Variants in ATXN10 observed in about 807,000 individuals in gnomAD.
ATXN10 encodes ataxin 10.
In ATXN10, 28 loss-of-function variants were observed where a neutral mutation model predicts 52.9. That is an observed-to-expected ratio of 0.53 (90% CI 0.39 to 0.73). The LOEUF (loss-of-function observed/expected upper bound fraction) is 0.73. Among genes scored for constraint, ATXN10 ranks in the 30% least tolerant of loss-of-function variants. The pLI, the probability that ATXN10 is intolerant of heterozygous loss-of-function variation, is 0.00. For missense variants in ATXN10, 565 were observed against 577.0 expected (o/e 0.98, Z 0.21); for synonymous variants, 226 against 221.5 (o/e 1.02, Z -0.18).
rs1924542008 is a variant in ATXN10, at chr22:45,718,732, A to G, written c.728+239A>G. On this transcript the variant is annotated intron_variant, in intron 6 of 11. Transcript: ENST00000252934. This position sits in a 1 kb window ranked among gnomAD's most constrained non-coding sequence, Gnocchi z 4.4. Reference sequence around the variant, plus strand: ...ATTATTCAGTAAATGCATATTAAGAAAAACATTAAGAACAAAATATTATGC... The same window carrying G: ...ATTATTCAGTAAATGCATATTAAGAGAAACATTAAGAACAAAATATTATGC... Among the ~76,000 whole-genome samples the G allele has an allele frequency of 6.6e-6, 1 of 152,186 alleles. No individual in the cohort carries two copies. Among genetic ancestry groups the G allele is most frequent in the African/African-American group, 2.4e-5 (1 of 41,432 alleles).
At chr22:45,740,910 A>T (rs1925508303) in intron 9 of ATXN10, 1 of 155,112 alleles carries the variant, frequency 6.4e-6, no homozygotes, top group African/African-American at 2.4e-5. Flanking sequence ...CGATAGCATC[A>T]TAAGCCTTTT....
intron 5 of ATXN10, among the ~76,000 whole-genome samples, chr22:45,717,696 CTA>C (rs1924498200): frequency 1.3e-5 from 2 of 150,972 alleles, no homozygotes; most frequent in Non-Finnish European, 2.9e-5. Flanking sequence ...AGTGATTAAA[CTA>C]TGTGTCAATA....
rs190775803 is a variant in ATXN10, at chr22:45,701,159, A to G, written c.488+781A>G. Among the ~76,000 whole-genome samples the G allele has an allele frequency of 1.9e-4, 29 of 152,344 alleles. No individual in the cohort carries two copies. The East Asian group carries it at 5.6e-3, about 29-fold the overall frequency. On this transcript the variant is annotated intron_variant, in intron 4 of 11. Coordinates refer to ENST00000252934, the MANE Select transcript of ATXN10 (RefSeq NM_013236.4). The surrounding 1 kb of genome is among the most constrained non-coding windows in gnomAD (Gnocchi z 4.2). ...GTTGCAACAGTATAAGCAGCACAGC[A>G]GGGTAGCAGCTGTTGTGTACATACC... is the stretch of plus-strand genomic sequence containing the variant.
intron 9 of ATXN10, among the ~76,000 whole-genome samples, chr22:45,748,937 G>C (rs1925840917): frequency 6.6e-6 from 1 of 152,008 alleles, no homozygotes; most frequent in South Asian, 2.1e-4. Context: ...AAAGACTAAA[G>C]GATGGTCTAC....
In ATXN10 at chr22:45,712,109, T is replaced by C. The variant is rs1474672426; in HGVS notation, c.648-6304T>C. On this transcript the variant is annotated intron_variant, in intron 5 of 11. Transcript: ENST00000252934. This position sits in a 1 kb window ranked among gnomAD's most constrained non-coding sequence, Gnocchi z 4.6. The stretch of plus-strand genomic sequence containing the variant: ...GATGTTTTTGAGGCATGCAAGTGGC[T>C]CTTTTTGGGTCACATTGTCATCCCT... 1.3e-5 allele frequency among the ~76,000 whole-genome samples: 2 copies of C among 152,200 alleles called. No individual in the cohort carries two copies. Among genetic ancestry groups the C allele is most frequent in the Non-Finnish European group, 2.9e-5 (2 of 68,036 alleles).
At chr22:45,765,537 C>T (rs908983751) in intron 9 of ATXN10, among the ~76,000 whole-genome samples, 2 of 152,172 alleles carry the variant, frequency 1.3e-5, no homozygotes, top group Non-Finnish European at 2.9e-5. Context: ...GGTGGATTTG[C>T]TCCCCTCCTC....
At position 45,790,419 on chromosome 22, in the gene ATXN10, A is replaced by G. The variant is rs1448309183; in HGVS notation, c.1174-16540A>G. ...ATACACCAGAGTTAGAAAACAAGCC[A>G]ATTCCTGGTCTTCTAATAGTTACCC... On this transcript the variant is annotated intron_variant, in intron 9 of 11. Transcript: ENST00000252934. The surrounding 1 kb of genome is among the most constrained non-coding windows in gnomAD (Gnocchi z 4.7). 6.6e-6 allele frequency among the ~76,000 whole-genome samples: 1 copy of G among 152,208 alleles called. No individual in the cohort carries two copies. The highest frequency in any genetic ancestry group is 1.5e-5 in the Non-Finnish European group (1 of 68,044).
intron 10 of ATXN10, among the ~76,000 whole-genome samples, chr22:45,830,263 G>A (rs2146908896): frequency 6.6e-6 from 1 of 152,316 alleles, no homozygotes; most frequent in East Asian, 1.9e-4. Context: ...ATACAGAGCA[G>A]AAGCTTCACA....
In ATXN10 at chr22:45,826,437, A is replaced by G. The variant is rs755490078; in HGVS notation, c.1238-16554A>G. The stretch of plus-strand genomic sequence containing the variant: ...TTGATGGAAGTCACGAATATATACA[A>G]CCAGGAAACTCGGTGAGCTCCAAGT... On this transcript the variant is annotated intron_variant, in intron 10 of 11. Transcript: ENST00000252934. The surrounding 1 kb of genome is among the most constrained non-coding windows in gnomAD (Gnocchi z 5.0). Among the ~76,000 whole-genome samples, 3 of 152,212 alleles carry G rather than the reference A, an allele frequency of 2.0e-5. No individual in the cohort carries two copies. The highest frequency in any genetic ancestry group is 2.9e-5 in the Non-Finnish European group (2 of 68,036).
At position 45,772,261 on chromosome 22, in the gene ATXN10, G is replaced by A. The variant is rs1248739918; in HGVS notation, c.1173+31723G>A. On this transcript the variant is annotated intron_variant, in intron 9 of 11. Transcript: ENST00000252934. This position sits in a 1 kb window ranked among gnomAD's most constrained non-coding sequence, Gnocchi z 4.1. ...AGTTAGTCTCTCTATAAGGTGTGAG[G>A]GTTAGGTCAAGGTTCATTGTTTTGC... Among the ~76,000 whole-genome samples, 1 of 152,066 alleles carries A rather than the reference G, an allele frequency of 6.6e-6. No homozygotes were observed. The highest frequency in any genetic ancestry group is 1.9e-4 in the East Asian group (1 of 5,200).
chr22:45,827,806 TACA>T (rs1569080549), intron 10 of ATXN10, among the ~76,000 whole-genome samples: 1 of 152,194 alleles, frequency 6.6e-6, no homozygotes, highest in Non-Finnish European at 1.5e-5. Context: ...CACTCTATCC[TACA>T]ACAAGAGCAT....
chr22:45,717,699 T>C (rs1173701875), intron 5 of ATXN10, among the ~76,000 whole-genome samples: 3 of 152,214 alleles, frequency 2.0e-5, no homozygotes, highest in African/African-American at 7.2e-5. Flanking sequence ...GATTAAACTA[T>C]GTGTCAATAT....
At chr22:45,810,590 C>CA (rs1928248883) in intron 10 of ATXN10, among the ~76,000 whole-genome samples, 1 of 152,218 alleles carries the variant, frequency 6.6e-6, no homozygotes, top group African/African-American at 2.4e-5. Context: ...TGAGAATTGA[C>CA]ATACAGTACT....
At chr22:45,838,599 C>G (rs1371267452) in intron 10 of ATXN10, among the ~76,000 whole-genome samples, 2 of 152,194 alleles carry the variant, frequency 1.3e-5, no homozygotes, top group Non-Finnish European at 2.9e-5. Flanking sequence ...CTTTCTTTCT[C>G]TCTGTCCCTT....
intron 5 of ATXN10, among the ~76,000 whole-genome samples, chr22:45,717,578 A>T (rs1276941850): frequency 6.6e-6 from 1 of 152,182 alleles, no homozygotes; most frequent in African/African-American, 2.4e-5. Flanking sequence ...GAAATAGAAT[A>T]TGTATTTGGA....
At chr22:45,788,137 G>T (rs1486271649) in intron 9 of ATXN10, among the ~76,000 whole-genome samples, 1 of 152,146 alleles carries the variant, frequency 6.6e-6, no homozygotes, top group South Asian at 2.1e-4. Flanking sequence ...GATGACAGCA[G>T]AATGCCTGTT....
rs1218615314 is a variant in ATXN10 at position 45,837,264 on chromosome 22, A to G, written c.1238-5727A>G. On this transcript the variant is annotated intron_variant, in intron 10 of 11. Transcript: ENST00000252934. This position sits in a 1 kb window ranked among gnomAD's most constrained non-coding sequence, Gnocchi z 5.8. ...AGTACTTTTTAAGGTTGGTTTGTTTATTTACTTATTTTTGAGACAGAGTCT... is the reference window on the plus strand; with the variant it reads ...AGTACTTTTTAAGGTTGGTTTGTTTGTTTACTTATTTTTGAGACAGAGTCT... Among the ~76,000 whole-genome samples the G allele has an allele frequency of 6.6e-6, 1 of 151,948 alleles. No individual in the cohort carries two copies. The highest frequency in any genetic ancestry group is 1.9e-4 in the East Asian group (1 of 5,192).
intron 10 of ATXN10, among the ~76,000 whole-genome samples, chr22:45,815,998 C>T (rs972607136): frequency 1.2e-4 from 19 of 152,132 alleles, no homozygotes; most frequent in African/African-American, 4.1e-4. Context: ...GCCTGTAATC[C>T]TAGCACTTTG....
chr22:45,755,478 T>C (rs1268658352), intron 9 of ATXN10, among the ~76,000 whole-genome samples: 1 of 152,168 alleles, frequency 6.6e-6, no homozygotes, highest in African/African-American at 2.4e-5. Context: ...TCTCACTGCC[T>C]CCCAGGCTCT....
Sources: allele counts gnomAD v4.1 joint callset (sites outside exome capture counted in the v4.1 genomes callset), GRCh38; gene constraint gnomAD v4.1.1; non-coding constraint Gnocchi (gnomAD v3.1); transcripts MANE v1.5; gene names NCBI Gene and HGNC (gene_info 2026-07-23, HGNC 2026-07-21).